Variants in FAM174B observed in about 807,000 individuals in gnomAD.
The protein encoded by FAM174B is family with sequence similarity 174 member B, also known as membrane protein FAM174B.
Under a neutral mutation model 10.9 loss-of-function variants are expected in FAM174B, and 12 were observed. The observed-to-expected ratio is 1.10, with a 90% CI of 0.71 to 1.79. The LOEUF (loss-of-function observed/expected upper bound fraction) is 1.79. FAM174B is among the 40% of genes most tolerant of loss of function. The pLI is 0.00. For missense variants in FAM174B, 266 were observed against 233.3 expected (o/e 1.14, Z -0.91); for synonymous variants, 132 against 115.8 (o/e 1.14, Z -0.90).
chr15:92,654,773 G>A (rs2050989550), intron 1 of FAM174B, among the ~76,000 whole-genome samples: 1 of 131,838 alleles, frequency 7.6e-6, no homozygotes, highest in African/African-American at 2.7e-5. Flanking sequence ...ACTAGAAACT[G>A]CTTCTTTCAG....
chr15:92,641,122 G>T (rs1567048189), intron 1 of FAM174B, among the ~76,000 whole-genome samples: 1 of 151,886 alleles, frequency 6.6e-6, no homozygotes, highest in East Asian at 1.9e-4. Context: ...ATGAAAAAAT[G>T]TCCAATCTCA....
chr15:92,643,966 T>C (rs965373900), intron 1 of FAM174B, among the ~76,000 whole-genome samples: 3 of 152,140 alleles, frequency 2.0e-5, no homozygotes, highest in African/African-American at 2.4e-5. Context: ...ACAGGAGGAC[T>C]AGCAGGCGAC....
intron 1 of FAM174B, among the ~76,000 whole-genome samples, chr15:92,646,167 C>T (rs1050601210): frequency 1.3e-5 from 2 of 152,158 alleles, no homozygotes; most frequent in African/African-American, 2.4e-5. Flanking sequence ...ACACCAGCCA[C>T]GTCACTATTC....
chr15:92,639,396 A>G (rs2050875899), intron 1 of FAM174B, among the ~76,000 whole-genome samples: 1 of 152,256 alleles, frequency 6.6e-6, no homozygotes, highest in Non-Finnish European at 1.5e-5. Context: ...GAAATGCAGT[A>G]AGATACCGAC....
chr15:92,654,069 A>G (rs392482), intron 1 of FAM174B, among the ~76,000 whole-genome samples: 149,084 of 152,326 alleles, frequency 0.98, 73,030 homozygotes, highest in East Asian at 1. Context: ...GGGAATGGTG[A>G]GGTGAGCGTG....
intron 1 of FAM174B, among the ~76,000 whole-genome samples, chr15:92,649,887 C>T (rs1183931918): frequency 6.6e-6 from 1 of 152,192 alleles, no homozygotes; most frequent in African/African-American, 2.4e-5. Flanking sequence ...TAATATCAAA[C>T]ATGAAAGAAG....
Position 92,655,536 on chromosome 15 carries a change from C to A in FAM174B, c.124G>T (p.Glu42Ter). 9 of 1,478,376 alleles carry A rather than the reference C, an allele frequency of 6.1e-6. No homozygotes were observed. The highest frequency in any genetic ancestry group is 8.1e-6 in the Non-Finnish European group (9 of 1,114,620). The allele number at this position is 1,478,376 out of a possible 1,614,324, so 91.6% of individuals were successfully genotyped here. The change falls in exon 1 of 3, where the codon GAG becomes TAG. Residue 42 changes from glutamate (E) to a stop codon, truncating the protein, a stop_gained. Coordinates refer to ENST00000327355, the MANE Select transcript of FAM174B (RefSeq NM_207446.3). LOFTEE classifies it high-confidence loss of function. ...CCCGGGCCGGGCGGTGGCCGCGACT[C>A]GCGCTCGGGTTCGGGCCACGGCGCG... is the stretch of plus-strand genomic sequence containing the variant. ...VSAPWPEPER[E>*]SRPPPGPGPG...
intron 2 of FAM174B, among the ~76,000 whole-genome samples, chr15:92,625,717 G>A (rs72651725): frequency 0.045 from 6,898 of 152,306 alleles, 243 homozygotes; most frequent in African/African-American, 0.091. Context: ...AGTGGTTACT[G>A]TTAAGTAGTG....
chr15:92,631,270 ATATT>A (rs1567045204), intron 1 of FAM174B, among the ~76,000 whole-genome samples: 1 of 12,648 alleles, frequency 7.9e-5, no homozygotes, highest in African/African-American at 3.2e-4. Flanking sequence ...ATTATATATT[ATATT>A]ATATATAATA....
chr15:92,632,933 C>T (rs1444579396), intron 1 of FAM174B, among the ~76,000 whole-genome samples: 2 of 152,022 alleles, frequency 1.3e-5, no homozygotes, highest in African/African-American at 4.8e-5. Context: ...ACGAAGGCTG[C>T]GATATGTATC....
At chr15:92,649,757 C>G (rs77130082) in intron 1 of FAM174B, among the ~76,000 whole-genome samples, 2 of 152,260 alleles carry the variant, frequency 1.3e-5, no homozygotes, top group East Asian at 3.9e-4. Flanking sequence ...CAAAATGTCT[C>G]CAGATATGAC....
At chr15:92,630,867 A>G (rs182045010) in intron 1 of FAM174B, among the ~76,000 whole-genome samples, 164 of 49,440 alleles carry the variant, frequency 3.3e-3, no homozygotes, top group Middle Eastern at 0.04. Flanking sequence ...TACATATTAC[A>G]TATTATATAT....
At chr15:92,645,992 C>T (rs186273423) in intron 1 of FAM174B, among the ~76,000 whole-genome samples, 113 of 152,222 alleles carry the variant, frequency 7.4e-4, no homozygotes, top group African/African-American at 2.6e-3. Flanking sequence ...CAAACCTATC[C>T]CTTTCCCTGC....
At chr15:92,619,670 T>TTTTTAATGATA in intron 2 of FAM174B, 10 of 601,784 alleles carry the variant, frequency 1.7e-5, no homozygotes, top group Admixed American at 8.9e-5. Context: ...TAAGGATCCC[T>TTTTTAATGATA]CCCCCAGCTC....
intron 1 of FAM174B, among the ~76,000 whole-genome samples, chr15:92,652,620 G>A (rs908591549): frequency 2.0e-5 from 3 of 152,116 alleles, no homozygotes; most frequent in African/African-American, 4.8e-5. Context: ...GACTGGAGAG[G>A]GACAAGGTTG....
chr15:92,649,484 T>C (rs2050950373), intron 1 of FAM174B, among the ~76,000 whole-genome samples: 1 of 152,250 alleles, frequency 6.6e-6, no homozygotes, highest in East Asian at 1.9e-4. Flanking sequence ...GGGTGTAAAT[T>C]ACATCTGTTT....
Position 92,643,344 on chromosome 15 carries a change from ATGTGTG to A in FAM174B, c.344+11966_344+11971del, listed in dbSNP as rs61322216. ...AGTCATTATAAGAAATAGGGAAGGA[ATGTGTG>A]TGTGTGTGTGTGTGTGTGTGTGTGT... On this transcript the variant is annotated intron_variant, in intron 1 of 2. Transcript: ENST00000327355. Among the ~76,000 whole-genome samples, 129 of 138,178 alleles carry A rather than the reference ATGTGTG, an allele frequency of 9.3e-4. 1 individual carries two copies. The highest frequency in any genetic ancestry group is 3.2e-3 in the African/African-American group (123 of 38,402). The allele number at this position is 138,178 out of a possible 152,430, so 90.7% of individuals were successfully genotyped here.
chr15:92,617,755 G>C lies in FAM174B; in HGVS notation c.*1701C>G. The C allele has an allele frequency of 1.7e-6, 1 of 586,284 alleles. No homozygotes were observed. Among genetic ancestry groups the C allele is most frequent in the Non-Finnish European group, 3.0e-6 (1 of 331,028 alleles). The allele number at this position is 586,284 out of a possible 1,614,324, so 36.3% of individuals were successfully genotyped here. A position where few individuals can be genotyped will look rare whatever the true frequency, so the allele number is the denominator to read the frequency against. On this transcript the variant is annotated 3_prime_UTR_variant, in exon 3 of 3. Transcript: ENST00000327355. ...GTACACCGTGGAGAGGAGAGATAAA[G>C]CAGCCACGGCTGTTCTGTTGCCAGT...
intron 1 of FAM174B, among the ~76,000 whole-genome samples, chr15:92,631,482 T>TTA (rs71156650): frequency 0.9 from 50,552 of 56,204 alleles, 23,463 homozygotes; most frequent in East Asian, 0.99. Context: ...TTATAATATA[T>TTA]TATATATATA....
Sources: allele counts gnomAD v4.1 joint callset (sites outside exome capture counted in the v4.1 genomes callset), GRCh38; gene constraint gnomAD v4.1.1; transcripts MANE v1.5; gene names NCBI Gene and HGNC (gene_info 2026-07-23, HGNC 2026-07-21).